Variants in ZC3H12B observed in about 807,000 individuals in gnomAD.
ZC3H12B encodes the protein zinc finger CCCH-type containing 12B.
In ZC3H12B, 7 loss-of-function variants were observed where a neutral mutation model predicts 43.9. The observed-to-expected ratio is 0.16, with a 90% CI of 0.09 to 0.30. ZC3H12B has a LOEUF of 0.30. Ranked by LOEUF, ZC3H12B falls within the 10% of genes least tolerant of loss-of-function variation. The pLI is 1.00. For missense variants in ZC3H12B, 475 were observed against 670.2 expected (o/e 0.71, Z 3.22); for synonymous variants, 222 against 241.7 (o/e 0.92, Z 0.76).
chrX:65,067,255 C>T, the ZC3H12B span, among the ~76,000 whole-genome samples: 1 of 111,337 alleles, frequency 9.0e-6, no homozygotes, highest in African/African-American at 3.3e-5. Context: ...TGCTTGAAAC[C>T]CAGGTTTCTG....
At chrX:65,156,793 G>A in the ZC3H12B span, among the ~76,000 whole-genome samples, 1 of 111,217 alleles carries the variant, frequency 9.0e-6, no homozygotes, top group Non-Finnish European at 1.9e-5. Flanking sequence ...TGAGCTCTTA[G>A]GCATGCGTCA....
chrX:65,073,077 G>A, the ZC3H12B span, among the ~76,000 whole-genome samples: 1 of 112,438 alleles, frequency 8.9e-6, no homozygotes, highest in African/African-American at 3.2e-5. Context: ...TGATATGAGT[G>A]GTGCTGACAG....
At chrX:65,221,507 A>G in the ZC3H12B span, among the ~76,000 whole-genome samples, 5 of 111,743 alleles carry the variant, frequency 4.5e-5, no homozygotes, top group African/African-American at 1.6e-4. Context: ...AAAATGGGAG[A>G]TAATACAACC....
chrX:65,382,229 C>A, intron 2 of ZC3H12B, among the ~76,000 whole-genome samples: 1 of 110,202 alleles, frequency 9.1e-6, no homozygotes, highest in African/African-American at 3.3e-5. Flanking sequence ...CCGAATCCAG[C>A]AGCACATCAA....
At chrX:65,052,291 C>A in the ZC3H12B span, among the ~76,000 whole-genome samples, 1 of 111,519 alleles carries the variant, frequency 9.0e-6, no homozygotes, top group Admixed American at 9.5e-5. Flanking sequence ...TATATATCCA[C>A]TCAAGAATTT....
chrX:65,177,437 G>A, the ZC3H12B span, among the ~76,000 whole-genome samples: 1 of 111,913 alleles, frequency 8.9e-6, no homozygotes, highest in Admixed American at 9.5e-5. Context: ...GGGCAATCAG[G>A]CAAGTGAAAG....
At chrX:65,377,776 CAGAA>C (rs1348345624) in intron 2 of ZC3H12B, among the ~76,000 whole-genome samples, 1 of 111,586 alleles carries the variant, frequency 9.0e-6, no homozygotes, top group Non-Finnish European at 1.9e-5. Flanking sequence ...GTACTTCAAT[CAGAA>C]AGAAAGTACG....
rs190342791 is a variant in ZC3H12B at position 65,492,884 on chromosome X, T to C, written c.608+3475T>C. Among the ~76,000 whole-genome samples the C allele has an allele frequency of 1.6e-4, 18 of 111,796 alleles. No individual in the cohort carries two copies. In the Admixed American group the frequency reaches 1.6e-3, roughly 10 times the overall value. ...TGAGAGGCCAAGGCAGGCAGACTGC[T>C]TGAGCCCAGGAGTTCGAGACCAGCC... On this transcript the variant is annotated intron_variant, in intron 1 of 4. Coordinates refer to ENST00000338957, the Ensembl canonical transcript of ZC3H12B.
the ZC3H12B span, among the ~76,000 whole-genome samples, chrX:65,066,619 C>T: frequency 1.8e-5 from 2 of 111,934 alleles, no homozygotes; most frequent in Non-Finnish European, 3.8e-5. Context: ...GCATGGGGGT[C>T]AGTGATCCAC....
In ZC3H12B at chrX:65,478,337, C is replaced by T. The variant is rs774334798; in HGVS notation, n.408-10309C>T. Among the ~76,000 whole-genome samples the T allele has an allele frequency of 1.8e-3, 206 of 112,222 alleles. 1 individual carries two copies. Among genetic ancestry groups the T allele is most frequent in the African/African-American group, 6.6e-3 (205 of 30,950 alleles). ...TATGGGCTCATGCCACTATGCCCAA[C>T]TCAGGAGGGATGGTTTCTATTGACT... On this transcript the variant is annotated intron_variant and non_coding_transcript_variant, in intron 3 of 5. Transcript: ENST00000617377.
chrX:65,224,385 G>A, the ZC3H12B span, among the ~76,000 whole-genome samples: 1 of 112,378 alleles, frequency 8.9e-6, no homozygotes, highest in South Asian at 3.7e-4. Context: ...CTGAAATCGG[G>A]GGAGGGAGCC....
the ZC3H12B span, among the ~76,000 whole-genome samples, chrX:65,129,210 G>T: frequency 9.4e-6 from 1 of 106,462 alleles, no homozygotes; most frequent in African/African-American, 3.4e-5. Flanking sequence ...GTATCTCTTT[G>T]TATATCAATT....
chrX:65,082,770 A>T, the ZC3H12B span, among the ~76,000 whole-genome samples: 1 of 111,240 alleles, frequency 9.0e-6, no homozygotes, highest in Non-Finnish European at 1.9e-5. Context: ...TGAGGTCAGT[A>T]TTACCCTACC....
the ZC3H12B span, among the ~76,000 whole-genome samples, chrX:65,079,721 C>G: frequency 2.7e-4 from 30 of 111,885 alleles, no homozygotes; most frequent in African/African-American, 9.8e-4. Flanking sequence ...TAAGTACTTT[C>G]AAATACCTGG....
chrX:65,113,932 A>G, the ZC3H12B span, among the ~76,000 whole-genome samples: 2 of 95,763 alleles, frequency 2.1e-5, no homozygotes, highest in African/African-American at 7.1e-5. Context: ...TTATTGCGAT[A>G]CTTGCTTTAG....
At chrX:65,366,756 C>T (rs1287689376) in exon 1 of ZC3H12B, 1 of 112,126 alleles carries the variant, frequency 8.9e-6, no homozygotes, top group Non-Finnish European at 1.9e-5. Context: ...CCTGGTTACA[C>T]AGGAAGGTAG....
intron 3 of ZC3H12B, among the ~76,000 whole-genome samples, chrX:65,462,490 G>T (rs982493491): frequency 8.9e-6 from 1 of 111,740 alleles, no homozygotes; most frequent in Non-Finnish European, 1.9e-5. Flanking sequence ...GACAAAGCAA[G>T]ACGCCGTCTC....
chrX:65,256,804 C>A, the ZC3H12B span, among the ~76,000 whole-genome samples: 1 of 112,098 alleles, frequency 8.9e-6, no homozygotes, highest in Admixed American at 9.4e-5. Context: ...TATGAACAGA[C>A]ACTTCTCAAA....
the ZC3H12B span, among the ~76,000 whole-genome samples, chrX:65,079,436 C>T: frequency 8.0e-5 from 9 of 112,475 alleles, no homozygotes; most frequent in Non-Finnish European, 9.4e-5. Context: ...TAGTGCTCTA[C>T]TGGATTCAGG....
Sources: gnomAD v4.1 joint callset for allele counts (sites outside exome capture counted in the v4.1 genomes callset) on GRCh38, gnomAD v4.1.1 for gene constraint, MANE v1.5 for transcripts, NCBI Gene and HGNC (gene_info 2026-07-23, HGNC 2026-07-21) for gene names.